Variants in CAST observed in about 807,000 individuals in gnomAD.
CAST encodes the protein calpastatin.
In CAST, 76 loss-of-function variants were observed where a neutral mutation model predicts 119.6. The observed-to-expected ratio is 0.64, with a 90% CI of 0.53 to 0.77. The LOEUF is 0.77. Ranked by LOEUF, CAST falls within the 30% of genes least tolerant of loss-of-function variation. The probability of loss-of-function intolerance (pLI) is 0.00; values close to 1 mark genes in which losing one functional copy is unlikely to be tolerated. For missense variants in CAST, 953 were observed against 946.5 expected (o/e 1.01, Z -0.09); for synonymous variants, 319 against 331.6 (o/e 0.96, Z 0.41).
chr5:96,176,674 C>G, the CAST span, among the ~76,000 whole-genome samples: 1 of 152,220 alleles, frequency 6.6e-6, no homozygotes, highest in African/African-American at 2.4e-5. Context: ...CTGAGTGAAA[C>G]TAAACTAAAA....
chr5:96,146,455 G>C, the CAST span, among the ~76,000 whole-genome samples: 2 of 152,220 alleles, frequency 1.3e-5, no homozygotes, highest in Non-Finnish European at 2.9e-5. Flanking sequence ...CCTCAGGCAG[G>C]GCCTGGGAAT....
At chr5:96,241,907 G>C in the CAST span, among the ~76,000 whole-genome samples, 94 of 141,600 alleles carry the variant, frequency 6.6e-4, 1 homozygote, top group Admixed American at 1.7e-3. Context: ...TTTTTGATGG[G>C]GTTGTTTGTT....
chr5:96,616,749 TATATACACACAC>T (rs1747463714), intron 1 of CAST, among the ~76,000 whole-genome samples: 1 of 115,994 alleles, frequency 8.6e-6, no homozygotes, highest in Non-Finnish European at 1.8e-5. Context: ...TCTCTCTATA[TATATACACACAC>T]ACACACACAC....
the CAST span, among the ~76,000 whole-genome samples, chr5:96,274,497 A>G: frequency 1.3e-5 from 2 of 152,192 alleles, no homozygotes; most frequent in Non-Finnish European, 2.9e-5. Flanking sequence ...TCCTTATTCT[A>G]AGAGCATCAT....
At chr5:95,963,299 C>A in the CAST span, among the ~76,000 whole-genome samples, 1 of 152,138 alleles carries the variant, frequency 6.6e-6, no homozygotes, top group Non-Finnish European at 1.5e-5. Flanking sequence ...CAATAAATGC[C>A]TTCCCCACCG....
the CAST span, chr5:96,410,845 A>C: frequency 1.3e-5 from 21 of 1,614,104 alleles, no homozygotes; most frequent in Non-Finnish European, 1.8e-5. Flanking sequence ...TCAGCGTACC[A>C]GGGGGATAGG....
At chr5:96,504,687 G>A in the CAST span, among the ~76,000 whole-genome samples, 5 of 152,116 alleles carry the variant, frequency 3.3e-5, no homozygotes, top group East Asian at 3.9e-4. Context: ...ATTTGGTAAC[G>A]GTACACACAG....
intron 1 of CAST, among the ~76,000 whole-genome samples, chr5:96,671,750 A>G (rs1157998461): frequency 1.3e-5 from 2 of 152,188 alleles, no homozygotes; most frequent in Non-Finnish European, 2.9e-5. Flanking sequence ...TTCCCTGCTC[A>G]TCTCACTCTC....
the CAST span, among the ~76,000 whole-genome samples, chr5:96,317,244 A>G: frequency 9.9e-5 from 15 of 151,124 alleles, no homozygotes; most frequent in Middle Eastern, 3.4e-3. Context: ...CAGGTGGATC[A>G]CTTGAGCCCA....
At chr5:96,401,157 A>G in the CAST span, among the ~76,000 whole-genome samples, 1 of 151,298 alleles carries the variant, frequency 6.6e-6, no homozygotes, top group African/African-American at 2.4e-5. Context: ...TTATAATTCT[A>G]TCTGGTGAGT....
At chr5:96,152,780 A>ATAT in the CAST span, among the ~76,000 whole-genome samples, 97,112 of 151,714 alleles carry the variant, frequency 0.64, 31,528 homozygotes, top group African/African-American at 0.72. Context: ...TTAAAAGATA[A>ATAT]TGTAAATAGA....
rs1762578100 is a variant in CAST at position 96,741,139 on chromosome 5, T to C, written c.919-127T>C. ...AACATACACTTTGATCTAAGTTGTT[T>C]CATTAACACACCTCATTTGGTAGCA... On this transcript the variant is annotated intron_variant, in intron 13 of 31. Coordinates refer to ENST00000675179, the MANE Select transcript of CAST (RefSeq NM_001750.7). 4.7e-6 allele frequency: 3 copies of C among 631,690 alleles called. No homozygotes were observed. In the African/African-American group the frequency reaches 5.5e-5, roughly 12 times the overall value. The allele number at this position is 631,690 out of a possible 1,614,324, so 39.1% of individuals were successfully genotyped here.
At chr5:96,655,379 C>G (rs1180642880) in intron 1 of CAST, among the ~76,000 whole-genome samples, 1 of 152,134 alleles carries the variant, frequency 6.6e-6, no homozygotes, top group African/African-American at 2.4e-5. Flanking sequence ...AGGGAAAAGG[C>G]AGGGAGAAGG....
At chr5:96,658,968 G>A (rs1480064261), upstream of CAST, among the ~76,000 whole-genome samples, 1 of 152,098 alleles carries the variant, frequency 6.6e-6, no homozygotes, top group Non-Finnish European at 1.5e-5. Flanking sequence ...ATGTTTCTTT[G>A]GCTCTGTTTT....
At position 96,729,673 on chromosome 5, in the gene CAST, C is replaced by CA; in HGVS notation, c.498dup (p.Val167SerfsTer6). ...AGTAACGATGCTCACAATAAAAAAG[C>CA]AGTTTCCAGATCAGCTGAACAGCAG... On this transcript the variant is annotated frameshift_variant, in exon 8 of 32. Transcript: ENST00000675179. LOFTEE classifies it high-confidence loss of function. 4 of 1,602,568 alleles carry CA rather than the reference C, an allele frequency of 2.5e-6. No individual in the cohort carries two copies. The highest frequency in any genetic ancestry group is 3.4e-6 in the Non-Finnish European group (4 of 1,169,578).
chr5:96,602,463 G>T (rs1747173096), intron 1 of CAST, among the ~76,000 whole-genome samples: 2 of 152,146 alleles, frequency 1.3e-5, no homozygotes, highest in Admixed American at 1.3e-4. Context: ...ACTAAACAGG[G>T]TCATGAGGCC....
intron 2 of CAST, among the ~76,000 whole-genome samples, chr5:96,677,781 A>T (rs1750881390): frequency 1.3e-5 from 2 of 152,230 alleles, no homozygotes; most frequent in South Asian, 4.1e-4. Flanking sequence ...TAAACATAAC[A>T]GAATTTGTTT....
the CAST span, among the ~76,000 whole-genome samples, chr5:96,139,667 CA>C: frequency 3.3e-5 from 5 of 151,368 alleles, no homozygotes; most frequent in African/African-American, 1.2e-4. Context: ...AGTTTTGTGG[CA>C]TATCTGGGGA....
At chr5:96,677,415 G>A (rs17477471) in intron 2 of CAST, among the ~76,000 whole-genome samples, 3 of 152,186 alleles carry the variant, frequency 2.0e-5, no homozygotes, top group Non-Finnish European at 2.9e-5. Context: ...ACTGACGGTA[G>A]ATAGTTAAGT....
Sources: gnomAD v4.1 joint callset for allele counts (sites outside exome capture counted in the v4.1 genomes callset) on GRCh38, gnomAD v4.1.1 for gene constraint, MANE v1.5 for transcripts, NCBI Gene and HGNC (gene_info 2026-07-23, HGNC 2026-07-21) for gene names.